Variants in PRKG2 observed in about 807,000 individuals in gnomAD.
The protein encoded by PRKG2 is cGMP-dependent protein kinase 2.
Under a neutral mutation model 97.2 loss-of-function variants are expected in PRKG2, and 33 were observed. The ratio of observed to expected loss-of-function variants is 0.34; its 90% CI spans 0.26 to 0.45. The LOEUF is 0.45. Among genes scored for constraint, PRKG2 ranks in the 20% least tolerant of loss-of-function variants. The pLI, the probability that PRKG2 is intolerant of heterozygous loss-of-function variation, is 1.00. For synonymous variants in PRKG2, 330 were observed against 321.8 expected, an observed-to-expected ratio of 1.03 and a Z score of -0.27; for missense variants, 638 against 900.0, an observed-to-expected ratio of 0.71 and a Z score of 3.73.
At chr4:81,123,875 A>C (rs111896958) in intron 14 of PRKG2, among the ~76,000 whole-genome samples, 2,509 of 152,302 alleles carry the variant, frequency 0.016, 77 homozygotes, top group African/African-American at 0.057. Flanking sequence ...TCTCAAAAAA[A>C]GAATTTGATC....
At chr4:81,184,551 G>T (rs1182812991) in intron 2 of PRKG2, among the ~76,000 whole-genome samples, 1 of 152,082 alleles carries the variant, frequency 6.6e-6, no homozygotes, top group African/African-American at 2.4e-5. Flanking sequence ...AGTACAAAAA[G>T]GCTGAAAATT....
chr4:81,216,034 G>T (rs1346215226), upstream of PRKG2, among the ~76,000 whole-genome samples: 1 of 152,006 alleles, frequency 6.6e-6, no homozygotes, highest in Non-Finnish European at 1.5e-5. Flanking sequence ...GCAAATTCAC[G>T]GAGGACAAGG....
chr4:81,118,314 T>C (rs1225956257), intron 14 of PRKG2, among the ~76,000 whole-genome samples: 2 of 152,228 alleles, frequency 1.3e-5, no homozygotes, highest in East Asian at 3.8e-4. Flanking sequence ...GTATAGTTTT[T>C]TGTGTAAACA....
At position 81,114,867 on chromosome 4, in the gene PRKG2, T is replaced by C. The variant is rs191910655; in HGVS notation, c.1777-4256A>G. 7.9e-5 allele frequency among the ~76,000 whole-genome samples: 12 copies of C among 152,290 alleles called. No homozygotes were observed. The East Asian group carries it at 1.3e-3, about 17-fold the overall frequency. Reference sequence around the variant, plus strand: ...ACAAATCTAGTATCCTTAAATACTTTATAGTTTTTTTAAATTTTAGATAAA... The same window carrying C: ...ACAAATCTAGTATCCTTAAATACTTCATAGTTTTTTTAAATTTTAGATAAA... On this transcript the variant is annotated intron_variant, in intron 14 of 18. Transcript: ENST00000264399.
At chr4:81,090,196 AAAAATAC>A (rs2109934618) in intron 18 of PRKG2, among the ~76,000 whole-genome samples, 1 of 152,248 alleles carries the variant, frequency 6.6e-6, no homozygotes, top group East Asian at 1.9e-4. Context: ...CATCTCTATT[AAAAATAC>A]AAAAATTAGT....
At chr4:81,174,452 T>C (rs971030411) in intron 3 of PRKG2, among the ~76,000 whole-genome samples, 1 of 152,036 alleles carries the variant, frequency 6.6e-6, no homozygotes, top group Admixed American at 6.6e-5. Context: ...CCACTGCTTA[T>C]GATCTATGTG....
At chr4:81,174,665 A>G in intron 3 of PRKG2, 128 bp downstream of exon 3, 1 of 907,754 alleles carries the variant, frequency 1.1e-6, no homozygotes, top group South Asian at 1.9e-5. Flanking sequence ...CAATTTTGCT[A>G]TTTCATGATT....
chr4:81,171,570 T>TA (rs1160727554), intron 4 of PRKG2, 121 bp downstream of exon 4: 16 of 646,564 alleles, frequency 2.5e-5, no homozygotes, highest in Non-Finnish European at 3.9e-5. Flanking sequence ...GCATTTCTAT[T>TA]ATAAGAACAT....
intron 14 of PRKG2, among the ~76,000 whole-genome samples, chr4:81,113,174 A>C (rs1055649709): frequency 6.6e-6 from 1 of 152,218 alleles, no homozygotes; most frequent in Non-Finnish European, 1.5e-5. Context: ...AAGTGAGAGC[A>C]TTGTGGGTTT....
chr4:81,148,853 G>A (rs756154755), intron 9 of PRKG2, 31 bp downstream of exon 9: 3 of 1,584,534 alleles, frequency 1.9e-6, no homozygotes, highest in Non-Finnish European at 1.7e-6. Context: ...AGGTGGCAGT[G>A]GCCTGCCTCC....
chr4:81,208,481 G>A (rs1473084453), intron 1 of PRKG2, among the ~76,000 whole-genome samples: 2 of 152,128 alleles, frequency 1.3e-5, no homozygotes, highest in Non-Finnish European at 1.5e-5. Context: ...AGATGCAGTG[G>A]CCAGTGGTGC....
intron 2 of PRKG2, among the ~76,000 whole-genome samples, 195 bp from the exon 3 acceptor site, chr4:81,175,154 T>G (rs1750814107): frequency 6.6e-6 from 1 of 152,102 alleles, no homozygotes; most frequent in Admixed American, 6.6e-5. Context: ...TAAGAAAATG[T>G]TTTTGAATAT....
intron 2 of PRKG2, among the ~76,000 whole-genome samples, chr4:81,182,660 G>T (rs1245028404): frequency 6.6e-6 from 1 of 151,984 alleles, no homozygotes; most frequent in East Asian, 1.9e-4. Context: ...TCAAAAGAAA[G>T]TACAGGTAAA....
At chr4:81,157,162 A>G (rs967768995) in intron 6 of PRKG2, among the ~76,000 whole-genome samples, 10 of 152,242 alleles carry the variant, frequency 6.6e-5, no homozygotes, top group African/African-American at 1.9e-4. Context: ...GAAAGGATCA[A>G]CAAAATTGAT....
At chr4:81,212,086 C>A (rs1417115811) in intron 1 of PRKG2, among the ~76,000 whole-genome samples, 3 of 152,142 alleles carry the variant, frequency 2.0e-5, no homozygotes, top group Admixed American at 1.3e-4. Flanking sequence ...CTCACTTTCA[C>A]ATTAATGCCA....
intron 2 of PRKG2, among the ~76,000 whole-genome samples, chr4:81,191,715 A>T (rs1752536198): frequency 6.6e-6 from 1 of 152,174 alleles, no homozygotes; most frequent in South Asian, 2.1e-4. Context: ...AGACCTCAAC[A>T]GAAAATATAC....
intron 17 of PRKG2, among the ~76,000 whole-genome samples, chr4:81,093,301 G>A (rs1406048329): frequency 2.0e-5 from 3 of 149,782 alleles, no homozygotes; most frequent in South Asian, 4.2e-4. Context: ...TTTTCTCAAA[G>A]TTCATCTCAG....
chr4:81,116,625 TAC>T (rs1232262876), intron 14 of PRKG2, among the ~76,000 whole-genome samples: 1 of 152,188 alleles, frequency 6.6e-6, no homozygotes, highest in Non-Finnish European at 1.5e-5. Flanking sequence ...TGAACTAATT[TAC>T]AATCCCCTCA....
chr4:81,133,806 A>T (rs1746394840), intron 14 of PRKG2, among the ~76,000 whole-genome samples: 2 of 151,780 alleles, frequency 1.3e-5, no homozygotes, highest in Admixed American at 6.6e-5. Flanking sequence ...GTTTTTTTTA[A>T]AAAAAAGCAT....
Sources: allele counts gnomAD v4.1 joint callset (sites outside exome capture counted in the v4.1 genomes callset), GRCh38; gene constraint gnomAD v4.1.1; transcripts MANE v1.5; gene names NCBI Gene and HGNC (gene_info 2026-07-23, HGNC 2026-07-21).